PAX5: variants seen among roughly 807,000 people sequenced by gnomAD.
The protein encoded by PAX5 is paired box protein Pax-5.
A neutral mutation model predicts 43.7 loss-of-function variants in PAX5; 9 were observed. The observed-to-expected ratio is 0.21, with a 90% CI of 0.12 to 0.36. The LOEUF is 0.36. Among genes scored for constraint, PAX5 ranks in the 10% least tolerant of loss-of-function variants. The pLI is 1.00. For synonymous variants in PAX5, 228 were observed against 214.3 expected (o/e 1.06, Z -0.56); for missense variants, 383 against 532.7 (o/e 0.72, Z 2.77).
At position 37,015,313 on chromosome 9, in the gene PAX5, C is replaced by A; in HGVS notation, c.213-119G>T. ...GGATCTGCACGTTCCAATACAGTAGCCACCAGCCAGATGCGGCTTTTGAAC... is the reference window on the plus strand; with the variant it reads ...GGATCTGCACGTTCCAATACAGTAGACACCAGCCAGATGCGGCTTTTGAAC... On this transcript the variant is annotated intron_variant, in intron 2 of 9. Coordinates refer to ENST00000358127, the MANE Select transcript of PAX5 (RefSeq NM_016734.3). The surrounding 1 kb of genome is among the most constrained non-coding windows in gnomAD (Gnocchi z 4.4). 1.3e-6 allele frequency: 1 copy of A among 777,534 alleles called. No homozygotes were observed. The highest frequency in any genetic ancestry group is 2.1e-6 in the Non-Finnish European group (1 of 469,584). The allele number at this position is 777,534 out of a possible 1,614,324, so 48.2% of individuals were successfully genotyped here.
At chr9:36,914,303 C>A (rs776418141) in intron 7 of PAX5, among the ~76,000 whole-genome samples, 1 of 152,188 alleles carries the variant, frequency 6.6e-6, no homozygotes, top group Admixed American at 6.5e-5. Flanking sequence ...ATGCAACTAC[C>A]GTGTAAATGG....
At chr9:37,024,720 G>A (rs138375028) in intron 1 of PAX5, among the ~76,000 whole-genome samples, 12 of 152,200 alleles carry the variant, frequency 7.9e-5, no homozygotes, top group African/African-American at 2.9e-4. Context: ...GCCGGACAAG[G>A]AGGCACAGAC....
chr9:36,887,154 T>C (rs1826970532), intron 7 of PAX5, among the ~76,000 whole-genome samples: 1 of 152,248 alleles, frequency 6.6e-6, no homozygotes, highest in Non-Finnish European at 1.5e-5. Flanking sequence ...ATTGTAGGAT[T>C]ATTAAAAATG....
At chr9:36,898,820 C>T (rs2131847612) in intron 7 of PAX5, among the ~76,000 whole-genome samples, 1 of 152,228 alleles carries the variant, frequency 6.6e-6, no homozygotes, top group South Asian at 2.1e-4. Flanking sequence ...CTGGCCCGGA[C>T]ATCCTGGCAC....
intron 1 of PAX5, among the ~76,000 whole-genome samples, chr9:37,021,192 AG>A (rs1839818104): frequency 6.6e-6 from 1 of 152,260 alleles, no homozygotes; most frequent in African/African-American, 2.4e-5. Flanking sequence ...TCATATTTAA[AG>A]AGGAAAAAAA....
At chr9:37,027,151 A>T (rs1840469425) in intron 1 of PAX5, among the ~76,000 whole-genome samples, 1 of 151,916 alleles carries the variant, frequency 6.6e-6, no homozygotes, top group South Asian at 2.1e-4. Flanking sequence ...GCCTCTCTCC[A>T]ACTGGCTCTC....
chr9:37,023,979 C>T (rs1049344042), intron 1 of PAX5, among the ~76,000 whole-genome samples: 1 of 152,178 alleles, frequency 6.6e-6, no homozygotes, highest in African/African-American at 2.4e-5. Flanking sequence ...CTGAGTCCCT[C>T]CCTCTCCCCT....
At chr9:36,843,883 A>T (rs995165604) in intron 9 of PAX5, among the ~76,000 whole-genome samples, 4 of 152,124 alleles carry the variant, frequency 2.6e-5, no homozygotes, top group African/African-American at 9.7e-5. Flanking sequence ...GCACCCCGGG[A>T]AAAGTTACAG....
intron 5 of PAX5, among the ~76,000 whole-genome samples, chr9:36,973,500 A>G (rs1266214609): frequency 6.6e-6 from 1 of 152,228 alleles, no homozygotes; most frequent in Non-Finnish European, 1.5e-5. Flanking sequence ...AGGTGGCTGC[A>G]ATGGCTAATT....
intron 8 of PAX5, among the ~76,000 whole-genome samples, chr9:36,872,153 C>T (rs966259720): frequency 2.6e-5 from 4 of 152,226 alleles, no homozygotes; most frequent in African/African-American, 7.2e-5. Flanking sequence ...TGGGCCTTCC[C>T]GATCGAGACA....
At chr9:36,891,425 C>T (rs893947053) in intron 7 of PAX5, among the ~76,000 whole-genome samples, 11 of 152,244 alleles carry the variant, frequency 7.2e-5, no homozygotes, top group African/African-American at 2.2e-4. Flanking sequence ...GTAGTGCATA[C>T]GCCGCCAGGC....
At chr9:36,948,861 G>T (rs924881548) in intron 6 of PAX5, among the ~76,000 whole-genome samples, 3 of 151,600 alleles carry the variant, frequency 2.0e-5, no homozygotes, top group Non-Finnish European at 4.4e-5. Flanking sequence ...CTACCCACCT[G>T]AGCTTTCTTG....
chr9:37,026,830 G>T (rs1840432041), intron 1 of PAX5: 1 of 554,350 alleles, frequency 1.8e-6, no homozygotes, highest in Non-Finnish European at 2.3e-6. Flanking sequence ...TCCCTCCCTG[G>T]CTGGCTCAAG....
At chr9:36,951,768 C>T (rs1833030908) in intron 6 of PAX5, among the ~76,000 whole-genome samples, 1 of 152,128 alleles carries the variant, frequency 6.6e-6, no homozygotes, top group Non-Finnish European at 1.5e-5. Flanking sequence ...CCTTTCTTCT[C>T]CCTTACCTTC....
At chr9:36,986,080 C>G (rs934944799) in intron 5 of PAX5, among the ~76,000 whole-genome samples, 2 of 152,056 alleles carry the variant, frequency 1.3e-5, no homozygotes, top group Non-Finnish European at 1.5e-5. Flanking sequence ...CGCCCGGCAC[C>G]CCCGTCCGGC....
In PAX5 at chr9:36,977,992, C is replaced by G. The variant is rs564079263; in HGVS notation, c.605-11268G>C. Among the ~76,000 whole-genome samples, 24 of 152,338 alleles carry G rather than the reference C, an allele frequency of 1.6e-4. No individual in the cohort carries two copies. The South Asian group carries it at 5.0e-3, about 32-fold the overall frequency. Reference sequence around the variant, plus strand: ...AGTGAAGTGTGAGAGGCTCTTCCCTCTCTGTCGAGCTGTTCAGCATCACTA... The same window carrying G: ...AGTGAAGTGTGAGAGGCTCTTCCCTGTCTGTCGAGCTGTTCAGCATCACTA... On this transcript the variant is annotated intron_variant, in intron 5 of 9. Transcript: ENST00000358127.
chr9:36,922,005 C>G (rs1432086623), intron 7 of PAX5, among the ~76,000 whole-genome samples: 1 of 152,186 alleles, frequency 6.6e-6, no homozygotes, highest in East Asian at 1.9e-4. Flanking sequence ...ACGTCTCCCA[C>G]CTCAGGCCTG....
At chr9:36,939,048 T>C (rs535749290) in intron 6 of PAX5, among the ~76,000 whole-genome samples, 17 of 152,354 alleles carry the variant, frequency 1.1e-4, no homozygotes, top group African/African-American at 4.1e-4. Flanking sequence ...CAACTCCCTA[T>C]GCACCTGGCC....
At chr9:36,949,644 C>T (rs1006850074) in intron 6 of PAX5, among the ~76,000 whole-genome samples, 2 of 152,154 alleles carry the variant, frequency 1.3e-5, no homozygotes, top group Non-Finnish European at 2.9e-5. Flanking sequence ...CAGCTGCTTC[C>T]GAAGCTTGTG....
Sources: gnomAD v4.1 joint callset for allele counts (sites outside exome capture counted in the v4.1 genomes callset) on GRCh38, gnomAD v4.1.1 for gene constraint, Gnocchi (gnomAD v3.1) non-coding constraint, MANE v1.5 for transcripts, NCBI Gene and HGNC (gene_info 2026-07-23, HGNC 2026-07-21) for gene names.